CROCC: variants seen among roughly 807,000 people sequenced by gnomAD.
The protein encoded by CROCC is ciliary rootlet coiled-coil, rootletin.
A neutral mutation model predicts 245.2 loss-of-function variants in CROCC; 180 were observed. The observed-to-expected ratio is 0.73, with a 90% CI of 0.65 to 0.83. The LOEUF (loss-of-function observed/expected upper bound fraction) is 0.83. Among genes scored for constraint, CROCC ranks in the 40% least tolerant of loss-of-function variants. CROCC has a pLI of 0.00. For synonymous variants in CROCC, 1,205 were observed against 1,241.6 expected, an observed-to-expected ratio of 0.97 and a Z score of 0.62; for missense variants, 2,688 against 2,779.4, an observed-to-expected ratio of 0.97 and a Z score of 0.74.
Position 16,961,018 on chromosome 1 carries a change from C to T in CROCC, c.4293C>T (p.Ala1431=). Reference sequence around the variant, plus strand: ...AGGTGCAGCGGCGCGCGGCGGAGGCCCAGCTGGGTGGCCTGCGCTCGGCTC... The same window carrying T: ...AGGTGCAGCGGCGCGCGGCGGAGGCTCAGCTGGGTGGCCTGCGCTCGGCTC... ...RVEVQRRAAE[A]QLGGLRSALR... is the part of the protein sequence containing the mutation. The change falls in exon 27 of 37, where the codon GCC becomes GCT. Residue 1431 remains alanine (A), a synonymous_variant. Transcript: ENST00000375541. The T allele has an allele frequency of 1.5e-6, 2 of 1,307,448 alleles. No homozygotes were observed. The highest frequency in any genetic ancestry group is 1.9e-6 in the Non-Finnish European group (2 of 1,035,116). The allele number at this position is 1,307,448 out of a possible 1,614,324, so 81.0% of individuals were successfully genotyped here. A position where few individuals can be genotyped will look rare whatever the true frequency, so the allele number is the denominator to read the frequency against.
chr1:16,946,879 G>T lies in CROCC; in HGVS notation c.2402G>T (p.Arg801Leu), dbSNP rs367868241. Residue 801 changes from arginine to leucine, a missense_variant, in exon 17 of 37, where the codon CGG (arginine) becomes CTG (leucine). By Grantham distance (102) the Arg-to-Leu change is moderately radical (BLOSUM62 -2). Around this residue, in one of 9 missense-constraint regions of CROCC, gnomAD observed 295 missense variants for 241.7 expected, o/e 1.22. Coordinates refer to ENST00000375541, the MANE Select transcript of CROCC (RefSeq NM_014675.5). ...EELRLEQEVA[R>L]QGLEGSLRVA... ...CTGCGGTTGGAGCAGGAGGTGGCGC[G>T]GCAGGGCCTGGAGGGCTCCCTACGA... The T allele has an allele frequency of 5.8e-6, 9 of 1,561,450 alleles. No homozygotes were observed. The highest frequency in any genetic ancestry group is 2.7e-5 in the African/African-American group (2 of 73,752).
chr1:16,955,348 G>T lies in CROCC; in HGVS notation c.3502G>T (p.Asp1168Tyr). 1 of 1,608,484 alleles carries T rather than the reference G, an allele frequency of 6.2e-7. No individual in the cohort carries two copies. The change falls in exon 24 of 37, where the codon GAT becomes TAT. Residue 1168 changes from aspartate to tyrosine, a missense_variant. By Grantham distance (160) the Asp-to-Tyr change is radical (BLOSUM62 -3). Transcript: ENST00000375541. ...TCGGACCCAGCTGCGTCTGCTGGAG[G>T]ATGCCCGTGACGGGCTGCGGCGGGA... ...ELRTQLRLLE[D>Y]ARDGLRRELL...
In CROCC at chr1:16,956,056, C is replaced by G; in HGVS notation, c.3764C>G (p.Thr1255Arg). ...QKLALLEEAR[T>R]AVGKEAGELR... ...CTGGCACTCCTAGAGGAGGCACGGA[C>G]AGCTGTGGGCAAGGAGGCCGGGGAG... Residue 1255 changes from threonine to arginine, a missense_variant, in exon 25 of 37, where the codon ACA becomes AGA. Around this residue, in one of 9 missense-constraint regions of CROCC, gnomAD observed 1,218 missense variants for 1,286.3 expected, o/e 0.95. Transcript: ENST00000375541. 1 of 1,551,178 alleles carries G rather than the reference C, an allele frequency of 6.4e-7. No homozygotes were observed. Among genetic ancestry groups the G allele is most frequent in the East Asian group, 2.4e-5 (1 of 40,934 alleles).
intron 8 of CROCC, 82 bp from the exon 9 acceptor site, chr1:16,936,555 C>T: frequency 2.9e-6 from 4 of 1,369,660 alleles, no homozygotes; most frequent in Non-Finnish European, 3.9e-6. Context: ...AGGTGTGAGC[C>T]ACCACGCCCT....
rs760407269 is a variant in CROCC at position 16,965,839 on chromosome 1, C to T, written c.4522C>T (p.Arg1508Cys). Reference sequence around the variant, plus strand: ...TCCAGACCTGGACCCGGAGGCAGTGCGCGGGGCCCTCCGGGAATTCCTGCA... The same window carrying T: ...TCCAGACCTGGACCCGGAGGCAGTGTGCGGGGCCCTCCGGGAATTCCTGCA... ...ASPDLDPEAVRGALREFLQEL... is the reference protein window; with the variant it reads ...ASPDLDPEAVCGALREFLQEL... Residue 1508 changes from arginine to cysteine, a missense_variant, in exon 28 of 37, where the codon CGC becomes TGC. Physicochemically the swap from Arg to Cys is radical, Grantham distance 180 (BLOSUM62 -3). This residue lies in a region of CROCC where 1,218 missense variants were observed against 1,286.3 expected (regional missense o/e 0.95). Coordinates refer to ENST00000375541, the MANE Select transcript of CROCC (RefSeq NM_014675.5). The T allele has an allele frequency of 9.9e-6, 16 of 1,613,574 alleles. No homozygotes were observed. Among genetic ancestry groups the T allele is most frequent in the African/African-American group, 4.0e-5 (3 of 74,944 alleles).
In CROCC at chr1:16,966,138, G is replaced by T. The variant is rs756975193; in HGVS notation, c.4696+19G>T. ...GAGGAAGGTGAGTCTGATCCTCGGG[G>T]TCCCTGTTCTCTCTCCTGTGTTTTG... is the stretch of plus-strand genomic sequence containing the variant. On this transcript the variant is annotated intron_variant, in intron 29 of 36. Coordinates refer to ENST00000375541, the MANE Select transcript of CROCC (RefSeq NM_014675.5). The surrounding 1 kb of genome is among the most constrained non-coding windows in gnomAD (Gnocchi z 4.8). 3.7e-6 allele frequency: 6 copies of T among 1,601,412 alleles called. 1 individual carries two copies. The South Asian group carries it at 6.7e-5, about 18-fold the overall frequency.
chr1:16,969,039 G>C, intron 31 of CROCC, 77 bp from the exon 32 acceptor site: 4 of 1,365,320 alleles, frequency 2.9e-6, no homozygotes, highest in South Asian at 1.2e-5. Context: ...GGCATGCCAG[G>C]TGGAGGTCAC....
At chr1:16,968,536 C>T in intron 31 of CROCC, 118 bp downstream of exon 31, 2 of 1,045,312 alleles carry the variant, frequency 1.9e-6, no homozygotes. Flanking sequence ...ATCCCCATTT[C>T]ACAGATGGAC....
intron 25 of CROCC, 144 bp downstream of exon 25, chr1:16,956,300 A>G: frequency 1.2e-6 from 1 of 869,504 alleles, no homozygotes; most frequent in Non-Finnish European, 1.7e-6. Context: ...CCTTGGTGTG[A>G]ATGGATGGGC....
chr1:16,937,278 A>T (rs1223483248), intron 9 of CROCC, among the ~76,000 whole-genome samples: 3 of 151,948 alleles, frequency 2.0e-5, no homozygotes, highest in African/African-American at 7.2e-5. Flanking sequence ...GCTTGAACCC[A>T]GGATGTGGAG....
intron 35 of CROCC, 132 bp downstream of exon 35, chr1:16,970,899 A>G: frequency 8.8e-7 from 1 of 1,135,610 alleles, no homozygotes; most frequent in Non-Finnish European, 1.2e-6. Context: ...CCTTCCAGTG[A>G]CCCAGCGGGC....
chr1:16,939,883 C>T lies in CROCC; in HGVS notation c.1609-11C>T, dbSNP rs770895791. 43 of 1,611,568 alleles carry T rather than the reference C, an allele frequency of 2.7e-5. No homozygotes were observed. Among genetic ancestry groups the T allele is most frequent in the Admixed American group, 5.0e-5 (3 of 59,978 alleles). The stretch of plus-strand genomic sequence containing the variant: ...AGGCCCCCCCAGACTCTGTGACCCC[C>T]CACACCCCAGGACATGCGTGGGCGC... On this transcript the variant is annotated splice_polypyrimidine_tract_variant and intron_variant, in intron 12 of 36. Transcript: ENST00000375541.
intron 3 of CROCC, among the ~76,000 whole-genome samples, chr1:16,928,035 T>G (rs1420076690): frequency 6.6e-6 from 1 of 152,284 alleles, no homozygotes; most frequent in Non-Finnish European, 1.5e-5. Context: ...GGAGGGCACC[T>G]TCCCTACCGC....
intron 1 of CROCC, among the ~76,000 whole-genome samples, chr1:16,914,505 GC>G (rs1399504080): frequency 6.6e-6 from 1 of 152,284 alleles, no homozygotes; most frequent in Non-Finnish European, 1.5e-5. Flanking sequence ...CTGCGTGCGG[GC>G]CCCGCCCTGC....
chr1:16,946,702 C>T (rs763168032), intron 16 of CROCC, 59 bp from the exon 17 acceptor site: 1,531 of 1,497,652 alleles, frequency 1.0e-3, no homozygotes, highest in Non-Finnish European at 1.3e-3. Flanking sequence ...GTGGAGGAGG[C>T]GTCCTGGTCC....
intron 3 of CROCC, among the ~76,000 whole-genome samples, chr1:16,928,388 G>A (rs2075583952): frequency 6.6e-6 from 1 of 152,270 alleles, no homozygotes; most frequent in South Asian, 2.1e-4. Flanking sequence ...GGCTGGTAGG[G>A]ACAGCCAGAG....
At chr1:16,917,617 TG>T (rs1485867974), upstream of CROCC, among the ~76,000 whole-genome samples, 2 of 140,340 alleles carry the variant, frequency 1.4e-5, no homozygotes, top group East Asian at 4.0e-4. Flanking sequence ...ATAATACTCA[TG>T]ATAGTAATGA....
chr1:16,949,327 C>T (rs1480521620), intron 19 of CROCC, among the ~76,000 whole-genome samples: 1 of 152,178 alleles, frequency 6.6e-6, no homozygotes, highest in East Asian at 1.9e-4. Flanking sequence ...TGCACCGTTC[C>T]CATCCAGTCT....
chr1:16,930,870 C>A (rs2075660588), intron 7 of CROCC, among the ~76,000 whole-genome samples: 1 of 152,290 alleles, frequency 6.6e-6, no homozygotes, highest in Non-Finnish European at 1.5e-5. Context: ...GTCGCAGTGG[C>A]TCACGCCTGT....
Sources: gnomAD v4.1 joint callset for allele counts (sites outside exome capture counted in the v4.1 genomes callset) on GRCh38, gnomAD v4.1.1 for gene constraint, gnomAD v4.1.1 regional missense constraint, Gnocchi (gnomAD v3.1) non-coding constraint, MANE v1.5 for transcripts, NCBI Gene and HGNC (gene_info 2026-07-23, HGNC 2026-07-21) for gene names.